The following BMPR1A variants were observed in gnomAD, a reference collection of about 807,000 sequenced individuals.
BMPR1A encodes bone morphogenetic protein receptor type-1A.
In BMPR1A, 7 loss-of-function variants were observed where a neutral mutation model predicts 66.0. The ratio of observed to expected loss-of-function variants is 0.11; its 90% CI spans 0.06 to 0.20. The LOEUF (loss-of-function observed/expected upper bound fraction) is 0.20, where lower values mean the gene tolerates loss of function less well. Among genes scored for constraint, BMPR1A ranks in the 10% least tolerant of loss-of-function variants. The pLI is 1.00. For synonymous variants in BMPR1A, 200 were observed against 229.7 expected, an observed-to-expected ratio of 0.87 and a Z score of 1.17; for missense variants, 408 against 669.1, an observed-to-expected ratio of 0.61 and a Z score of 4.31.
intron 1 of BMPR1A, among the ~76,000 whole-genome samples, chr10:86,799,469 T>TCTTC (rs4029467): frequency 0.053 from 6,453 of 120,910 alleles, 203 homozygotes; most frequent in Middle Eastern, 0.12. Context: ...TTCCTTCCTT[T>TCTTC]CTTCCTTCCT....
chr10:86,847,182 G>A (rs1425286881), intron 2 of BMPR1A, among the ~76,000 whole-genome samples: 1 of 152,118 alleles, frequency 6.6e-6, no homozygotes, highest in African/African-American at 2.4e-5. Flanking sequence ...GATGCAGACG[G>A]TGGTTTGGGA....
intron 5 of BMPR1A, among the ~76,000 whole-genome samples, chr10:86,894,693 A>G (rs1011677615): frequency 2.2e-4 from 33 of 152,216 alleles, no homozygotes; most frequent in Admixed American, 4.6e-4. Context: ...TCGTTTTCTC[A>G]TCCATGAAGG....
intron 1 of BMPR1A, among the ~76,000 whole-genome samples, chr10:86,771,472 T>C (rs944172390): frequency 1.3e-5 from 2 of 152,222 alleles, no homozygotes; most frequent in African/African-American, 4.8e-5. Context: ...TAGTTACTAT[T>C]ATCAGTTCCC....
At chr10:86,770,822 A>G (rs1372623893) in intron 1 of BMPR1A, among the ~76,000 whole-genome samples, 2 of 152,220 alleles carry the variant, frequency 1.3e-5, no homozygotes, top group Non-Finnish European at 2.9e-5. Flanking sequence ...ACAATTAGGG[A>G]TAGGGATAGA....
At chr10:86,877,128 G>GC (rs1842929295) in intron 3 of BMPR1A, among the ~76,000 whole-genome samples, 7 of 151,554 alleles carry the variant, frequency 4.6e-5, no homozygotes, top group African/African-American at 1.7e-4. Context: ...TTTTCCTAAT[G>GC]TTTTGATCAC....
chr10:86,901,376 CT>C (rs1458149887), intron 7 of BMPR1A, among the ~76,000 whole-genome samples: 1 of 152,206 alleles, frequency 6.6e-6, no homozygotes, highest in African/African-American at 2.4e-5. Flanking sequence ...CAGTGTCCGA[CT>C]TTCTGAAAAT....
At chr10:86,867,073 C>A (rs1842795966) in intron 2 of BMPR1A, among the ~76,000 whole-genome samples, 3 of 152,178 alleles carry the variant, frequency 2.0e-5, no homozygotes, top group Admixed American at 6.5e-5. Context: ...ATACCTAGAT[C>A]ATCTGTTTTA....
chr10:86,782,578 T>G (rs1405542981), intron 1 of BMPR1A, among the ~76,000 whole-genome samples: 2 of 152,278 alleles, frequency 1.3e-5, no homozygotes, highest in Admixed American at 1.3e-4. Flanking sequence ...TGATTTGATG[T>G]GAGTTTTGCC....
At chr10:86,831,391 G>A (rs1356329146) in intron 1 of BMPR1A, among the ~76,000 whole-genome samples, 1 of 152,138 alleles carries the variant, frequency 6.6e-6, no homozygotes. Context: ...AGTGTTTAAT[G>A]TGACTGCTTA....
At chr10:86,796,455 T>A (rs1841710641) in intron 1 of BMPR1A, among the ~76,000 whole-genome samples, 1 of 152,060 alleles carries the variant, frequency 6.6e-6, no homozygotes, top group Admixed American at 6.5e-5. Context: ...GTCACTATAA[T>A]TAGTAATCAG....
intron 1 of BMPR1A, among the ~76,000 whole-genome samples, chr10:86,826,911 A>AT (rs1175174024): frequency 6.6e-6 from 1 of 151,918 alleles, no homozygotes; most frequent in Non-Finnish European, 1.5e-5. Flanking sequence ...ATAGATTTAA[A>AT]TTTTTTTTAA....
upstream of BMPR1A, chr10:86,756,151 G>A (rs1436914262): frequency 3.3e-5 from 5 of 152,330 alleles, no homozygotes; most frequent in Admixed American, 3.3e-4. Flanking sequence ...GCCCGCGAGA[G>A]TGGGGATATC....
chr10:86,893,083 G>T (rs1843175744), intron 5 of BMPR1A, among the ~76,000 whole-genome samples: 1 of 151,992 alleles, frequency 6.6e-6, no homozygotes, highest in Non-Finnish European at 1.5e-5. Context: ...ATCCTAGGTT[G>T]TCATGACTGC....
intron 10 of BMPR1A, among the ~76,000 whole-genome samples, chr10:86,920,860 T>C (rs571997740): frequency 1.4e-5 from 2 of 148,016 alleles, no homozygotes; most frequent in Non-Finnish European, 3.0e-5. Context: ...TCTTTTCTTT[T>C]TTTTTTTTTT....
At chr10:86,928,017 C>CA (rs1342583822), downstream of BMPR1A, 1 of 174,428 alleles carries the variant, frequency 5.7e-6, no homozygotes, top group East Asian at 9.9e-5. Context: ...TATTGTGCAT[C>CA]AGAAGTCATC....
At chr10:86,796,495 ATTTAT>A (rs1340515491) in intron 1 of BMPR1A, among the ~76,000 whole-genome samples, 1 of 70,610 alleles carries the variant, frequency 1.4e-5, no homozygotes, top group Non-Finnish European at 3.3e-5. Flanking sequence ...AGGCACATTT[ATTTAT>A]TTATTTATTT....
At chr10:86,894,274 C>T (rs1843195862) in intron 5 of BMPR1A, among the ~76,000 whole-genome samples, 1 of 152,222 alleles carries the variant, frequency 6.6e-6, no homozygotes, top group African/African-American at 2.4e-5. Flanking sequence ...CACATCTCCT[C>T]CACTCTTCAT....
chr10:86,866,318 A>G (rs564287639), intron 2 of BMPR1A, among the ~76,000 whole-genome samples: 1 of 110,580 alleles, frequency 9.0e-6, no homozygotes, highest in Non-Finnish European at 2.2e-5. Flanking sequence ...GCGCCTTAAC[A>G]TGCAGTAACA....
chr10:86,792,387 G>A (rs770708801), intron 1 of BMPR1A, among the ~76,000 whole-genome samples: 3 of 152,096 alleles, frequency 2.0e-5, no homozygotes, highest in Non-Finnish European at 4.4e-5. Flanking sequence ...TTTAATGTTT[G>A]CCATTTAAAT....
Sources: gnomAD v4.1 joint callset for allele counts (sites outside exome capture counted in the v4.1 genomes callset) on GRCh38, gnomAD v4.1.1 for gene constraint, MANE v1.5 for transcripts, NCBI Gene and HGNC (gene_info 2026-07-23, HGNC 2026-07-21) for gene names.